PRH1: variants seen among roughly 807,000 people sequenced by gnomAD.
The protein encoded by PRH1 is proline rich protein HaeIII subfamily 1.
Under a neutral mutation model 7.9 loss-of-function variants are expected in PRH1, and 7 were observed. The observed-to-expected ratio is 0.89, with a 90% CI of 0.50 to 1.67. The LOEUF (loss-of-function observed/expected upper bound fraction) is 1.67, where lower values mean the gene tolerates loss of function less well. Ranked by LOEUF, PRH1 falls within the 40% of genes most tolerant of loss-of-function variation. PRH1 has a pLI of 0.00. For missense variants in PRH1, 109 were observed against 223.6 expected, an observed-to-expected ratio of 0.49 and a Z score of 3.27; for synonymous variants, 45 against 80.8, an observed-to-expected ratio of 0.56 and a Z score of 2.38.
intron 1 of PRH1, among the ~76,000 whole-genome samples, chr12:11,150,665 A>T (rs6488353): frequency 0.74 from 112,825 of 151,486 alleles, 44,497 homozygotes; most frequent in East Asian, 0.96. Flanking sequence ...TTCTGGGGAC[A>T]GTTGTGGGGT....
At chr12:11,121,956 AAT>A (rs1465404115) in intron 1 of PRH1, among the ~76,000 whole-genome samples, 7 of 152,336 alleles carry the variant, frequency 4.6e-5, no homozygotes, top group Middle Eastern at 3.4e-3. Context: ...CTTAATTATA[AAT>A]AGAGATAATT....
chr12:11,064,659 T>C (rs1943738825), intron 1 of PRH1, among the ~76,000 whole-genome samples: 1 of 152,180 alleles, frequency 6.6e-6, no homozygotes, highest in South Asian at 2.1e-4. Flanking sequence ...ATTATATAAT[T>C]ACCCCAACAA....
chr12:11,103,944 TTC>T (rs1945331794), intron 1 of PRH1, among the ~76,000 whole-genome samples: 1 of 151,944 alleles, frequency 6.6e-6, no homozygotes, highest in South Asian at 2.1e-4. Flanking sequence ...AAATTACTTT[TTC>T]TAGTAACCAG....
chr12:10,885,635 G>A (rs1424888366), upstream of PRH1, among the ~76,000 whole-genome samples: 4 of 152,200 alleles, frequency 2.6e-5, no homozygotes. Context: ...CTCCTCAGCT[G>A]CTGATTGCTC....
At chr12:11,061,614 A>T in intron 1 of PRH1, 1 of 1,614,076 alleles carries the variant, frequency 6.2e-7, no homozygotes, top group Non-Finnish European at 8.5e-7. Flanking sequence ...CAGTTTGCAA[A>T]GCTTTTATGT....
chr12:10,936,882 C>A (rs1410293557), intron 2 of PRH1, among the ~76,000 whole-genome samples: 3 of 152,078 alleles, frequency 2.0e-5, no homozygotes, highest in Non-Finnish European at 4.4e-5. Flanking sequence ...CAGTCCATAA[C>A]AGTCTTTCTG....
At chr12:11,116,801 A>T (rs1357902219), downstream of PRH1, among the ~76,000 whole-genome samples, 2 of 152,148 alleles carry the variant, frequency 1.3e-5, no homozygotes, top group Non-Finnish European at 2.9e-5. Flanking sequence ...TACATCATAT[A>T]TACAGAATGA....
intron 1 of PRH1, chr12:11,091,487 G>A: frequency 7.4e-7 from 1 of 1,356,502 alleles, no homozygotes; most frequent in Non-Finnish European, 1.0e-6. Context: ...ACTCCAAACT[G>A]ATATCATTAT....
At chr12:11,008,419 G>C (rs1940923435) in intron 1 of PRH1, among the ~76,000 whole-genome samples, 1 of 151,912 alleles carries the variant, frequency 6.6e-6, no homozygotes, top group Admixed American at 6.6e-5. Context: ...CATCATGTAG[G>C]GCAAGACAAG....
intron 2 of PRH1, chr12:10,908,550 A>G (rs1265827705): frequency 6.2e-7 from 1 of 1,613,898 alleles, no homozygotes; most frequent in East Asian, 2.2e-5. Context: ...AATCCATGAT[A>G]TGAGAACACA....
At position 10,883,938 on chromosome 12, in the gene PRH1, A is replaced by G. The variant is rs1383907790; in HGVS notation, c.64+216T>C. 2.0e-5 allele frequency among the ~76,000 whole-genome samples: 3 copies of G among 152,240 alleles called. No homozygotes were observed. In the East Asian group the frequency reaches 5.8e-4, roughly 29 times the overall value. ...GCAAATCTCACTCTCTCACACCCCTAGTACGAATTCTTTATTGGATTCTAT... is the reference window on the plus strand; with the variant it reads ...GCAAATCTCACTCTCTCACACCCCTGGTACGAATTCTTTATTGGATTCTAT... On this transcript the variant is annotated intron_variant, in intron 1 of 3. Coordinates refer to ENST00000543626, the MANE Select transcript of PRH1 (RefSeq NM_001393989.1).
intron 1 of PRH1, among the ~76,000 whole-genome samples, chr12:11,021,451 TTTA>T (rs2136071681): frequency 6.6e-6 from 1 of 152,384 alleles, no homozygotes; most frequent in Admixed American, 6.5e-5. Context: ...AGCTTCATAA[TTTA>T]TGGTCAACGT....
At chr12:11,047,091 C>T (rs989024271) in exon 1 of PRH1, 14 of 485,030 alleles carry the variant, frequency 2.9e-5, no homozygotes, top group African/African-American at 2.7e-4. Context: ...AGTAAATGTT[C>T]TGTCACAGAA....
At chr12:10,947,268 T>A (rs187839058) in intron 2 of PRH1, among the ~76,000 whole-genome samples, 3 of 152,334 alleles carry the variant, frequency 2.0e-5, no homozygotes, top group Admixed American at 2.0e-4. Context: ...TATGTCTATT[T>A]GTAGGTCTCT....
At chr12:11,171,095 A>G (rs934229887) in intron 1 of PRH1, 1 of 381,712 alleles carries the variant, frequency 2.6e-6, no homozygotes, top group African/African-American at 2.1e-5. Flanking sequence ...GCTATATAAC[A>G]CATCCTATTC....
At chr12:11,150,332 A>G (rs969910268) in intron 1 of PRH1, among the ~76,000 whole-genome samples, 3 of 152,112 alleles carry the variant, frequency 2.0e-5, no homozygotes, top group African/African-American at 7.2e-5. Context: ...ATAAACCCAA[A>G]GGACTATAAA....
Position 10,964,474 on chromosome 12 carries a change from C to A in PRH1, c.-59+9181G>T. The A allele has an allele frequency of 1.2e-5, 3 of 250,120 alleles. No homozygotes were observed. In the South Asian group the frequency reaches 2.2e-4, roughly 19 times the overall value. 15.5% of individuals were successfully genotyped at this position (250,120 alleles called of 1,614,324 possible). A position where few individuals can be genotyped will look rare whatever the true frequency, so the allele number is the denominator to read the frequency against. On this transcript the variant is annotated intron_variant, in intron 2 of 3. Coordinates refer to the PRH1 transcript ENST00000539853. ...CTCAGCACTTAATCTGACACAAAAT[C>A]AAAAGAAAGGTCTGTTTCAGCTTCT...
At position 10,932,947 on chromosome 12, in the gene PRH1, G is replaced by C. The variant is rs534283203; in HGVS notation, c.-59+40708C>G. ...TGAGCTCAAATAATTAAAAAAGAGA[G>C]ACAAAATACACTTGGGAGAACAGAA... On this transcript the variant is annotated intron_variant, in intron 2 of 3. Coordinates refer to the PRH1 transcript ENST00000539853. Among the ~76,000 whole-genome samples, 338 of 151,916 alleles carry C rather than the reference G, an allele frequency of 2.2e-3. 2 individuals carry two copies. The highest frequency in any genetic ancestry group is 3.7e-3 in the Admixed American group (57 of 15,246).
intron 2 of PRH1, among the ~76,000 whole-genome samples, chr12:10,952,455 A>C (rs1019577420): frequency 3.3e-5 from 5 of 152,208 alleles, no homozygotes; most frequent in Non-Finnish European, 7.3e-5. Context: ...GGAAATGCCA[A>C]GTGATTAGGC....
Sources: gnomAD v4.1 joint callset for allele counts (sites outside exome capture counted in the v4.1 genomes callset) on GRCh38, gnomAD v4.1.1 for gene constraint, MANE v1.5 for transcripts, NCBI Gene and HGNC (gene_info 2026-07-23, HGNC 2026-07-21) for gene names.